The following IL7R variants were observed in gnomAD, a reference collection of about 807,000 sequenced individuals.
IL7R encodes the protein interleukin-7 receptor subunit alpha.
A neutral mutation model predicts 47.0 loss-of-function variants in IL7R; 38 were observed. That is an observed-to-expected ratio of 0.81 (90% confidence interval 0.62 to 1.06). The LOEUF is 1.06. Among genes scored for constraint, IL7R ranks in the 50% least tolerant of loss-of-function variants. The pLI is 0.00. For missense variants in IL7R, 633 were observed against 534.8 expected, an observed-to-expected ratio of 1.18 and a Z score of -1.81; for synonymous variants, 221 against 199.8, an observed-to-expected ratio of 1.11 and a Z score of -0.89.
intron 7 of IL7R, 65 bp from the exon 8 acceptor site, chr5:35,875,918 A>G (rs1760193292): frequency 6.4e-7 from 1 of 1,554,154 alleles, no homozygotes; most frequent in Non-Finnish European, 8.8e-7. Flanking sequence ...CTACTCCTGA[A>G]CTGAACATTT....
At chr5:35,857,810 C>G (rs1187097954) in intron 1 of IL7R, among the ~76,000 whole-genome samples, 1 of 152,114 alleles carries the variant, frequency 6.6e-6, no homozygotes, top group African/African-American at 2.4e-5. Flanking sequence ...AAGCTTCTAA[C>G]AGCAGCAGGA....
chr5:35,875,499 T>C lies in IL7R; in HGVS notation c.801-13T>C, dbSNP rs767908772. 2.5e-6 allele frequency: 4 copies of C among 1,588,424 alleles called. No individual in the cohort carries two copies. The Admixed American group carries it at 5.0e-5, about 20-fold the overall frequency. The stretch of plus-strand genomic sequence containing the variant: ...TGCCATTCACTTCATCTATCAATGT[T>C]CTCTGATTTCAGGATTAAGCCTATC... On this transcript the variant is annotated splice_polypyrimidine_tract_variant and intron_variant, in intron 6 of 7. Coordinates refer to ENST00000303115, the MANE Select transcript of IL7R (RefSeq NM_002185.5).
rs372056746 is a variant in IL7R, at chr5:35,874,451, G to A, written c.709G>A (p.Glu237Lys). ...RTPEINNSSGEMDPILLTISI... is the reference protein window; with the variant it reads ...RTPEINNSSGKMDPILLTISI... Reference sequence around the variant, plus strand: ...CACAATCTATTCTTGCTTTCCAGGGGAGATGGATCCTATCTTACTAACCAT... The same window carrying A: ...CACAATCTATTCTTGCTTTCCAGGGAAGATGGATCCTATCTTACTAACCAT... The change falls in exon 6 of 8, where the codon GAG becomes AAG. Residue 237 changes from glutamate (E) to lysine (K), a missense_variant and splice_region_variant. Physicochemically the swap from Glu to Lys is moderately conservative, Grantham distance 56 (BLOSUM62 1). Coordinates refer to ENST00000303115, the MANE Select transcript of IL7R (RefSeq NM_002185.5). 2.5e-6 allele frequency: 4 copies of A among 1,603,532 alleles called. No homozygotes were observed. The African/African-American group carries it at 5.3e-5, about 21-fold the overall frequency.
chr5:35,874,408 T>A (rs760730798), intron 5 of IL7R, 41 bp from the exon 6 acceptor site: 1 of 1,341,376 alleles, frequency 7.5e-7, no homozygotes, highest in Non-Finnish European at 1.1e-6. Context: ...CCCCACTGCA[T>A]GGCTACTGAA....
At chr5:35,870,635 G>T (rs1042692892) in intron 3 of IL7R, among the ~76,000 whole-genome samples, 1 of 152,182 alleles carries the variant, frequency 6.6e-6, no homozygotes, top group East Asian at 1.9e-4. Context: ...CTCAAACACC[G>T]TAGGTTTATT....
chr5:35,865,990 G>A (rs925608179), intron 2 of IL7R, among the ~76,000 whole-genome samples: 1 of 152,056 alleles, frequency 6.6e-6, no homozygotes, highest in Non-Finnish European at 1.5e-5. Flanking sequence ...GTCGTGTCCT[G>A]GTCTTAGGGA....
intron 1 of IL7R, among the ~76,000 whole-genome samples, chr5:35,859,784 G>C (rs1457060906): frequency 6.6e-6 from 1 of 152,110 alleles, no homozygotes; most frequent in African/African-American, 2.4e-5. Context: ...AGTATATTCT[G>C]TCTCCAGTGT....
Position 35,876,405 on chromosome 5 carries a change from G to C in IL7R, c.1299G>C (p.Gln433His), listed in dbSNP as rs200165388. Residue 433 changes from glutamine (Q) to histidine (H), a missense_variant, in exon 8 of 8, where the codon CAG (glutamine) becomes CAC (histidine). Gln to His is a conservative substitution (Grantham distance 24). Coordinates refer to ENST00000303115, the MANE Select transcript of IL7R (RefSeq NM_002185.5). Reference sequence around the variant, plus strand: ...TCCTGACATTGAACCCAGTTGCTCAGGGTCAGCCCATTCTTACTTCCCTGG... The same window carrying C: ...TCCTGACATTGAACCCAGTTGCTCACGGTCAGCCCATTCTTACTTCCCTGG... ...SGILTLNPVA[Q>H]GQPILTSLGS... The C allele has an allele frequency of 6.2e-7, 1 of 1,613,074 alleles. No homozygotes were observed. Among genetic ancestry groups the C allele is most frequent in the East Asian group, 2.2e-5 (1 of 44,880 alleles).
chr5:35,864,704 T>C (rs1282189933), intron 2 of IL7R, among the ~76,000 whole-genome samples: 6 of 152,170 alleles, frequency 3.9e-5, no homozygotes, highest in African/African-American at 7.2e-5. Flanking sequence ...ATACATTCTG[T>C]ATACATTTCC....
chr5:35,878,760 C>T lies in IL7R; in HGVS notation c.*2274C>T, dbSNP rs1241206406. ...ACAGGAAGACAGGTAAATTACCCAA[C>T]CTCACACGTTAAGTCAGAACTGGGA... On this transcript the variant is annotated 3_prime_UTR_variant, in exon 8 of 8. Coordinates refer to ENST00000303115, the MANE Select transcript of IL7R (RefSeq NM_002185.5). 1 of 232,876 alleles carries T rather than the reference C, an allele frequency of 4.3e-6. No individual in the cohort carries two copies. The highest frequency in any genetic ancestry group is 5.6e-5 in the Admixed American group (1 of 17,758). The allele number at this position is 232,876 out of a possible 1,614,324, so 14.4% of individuals were successfully genotyped here. A position where few individuals can be genotyped will look rare whatever the true frequency, so the allele number is the denominator to read the frequency against.
intron 3 of IL7R, among the ~76,000 whole-genome samples, chr5:35,870,647 C>T (rs963065503): frequency 1.3e-5 from 2 of 152,214 alleles, no homozygotes; most frequent in African/African-American, 4.8e-5. Flanking sequence ...AGGTTTATTT[C>T]TCACTCACAT....
Position 35,876,005 on chromosome 5 carries a change from C to T in IL7R, c.899C>T (p.Pro300Leu), listed in dbSNP as rs2149905144. 1 of 1,613,448 alleles carries T rather than the reference C, an allele frequency of 6.2e-7. No individual in the cohort carries two copies. The highest frequency in any genetic ancestry group is 1.3e-5 in the African/African-American group (1 of 75,034). Residue 300 changes from proline (P) to leucine (L), a missense_variant, in exon 8 of 8, where the codon CCT (proline) becomes CTT (leucine). Physicochemically the swap from Pro to Leu is moderately conservative, Grantham distance 98. Transcript: ENST00000303115. ...PRKNLNVSFN[P>L]ESFLDCQIHR... ...CAGAATTTAAATGTGAGTTTCAATCCTGAAAGTTTCCTGGACTGCCAGATT... is the reference window on the plus strand; with the variant it reads ...CAGAATTTAAATGTGAGTTTCAATCTTGAAAGTTTCCTGGACTGCCAGATT...
At position 35,876,163 on chromosome 5, in the gene IL7R, G is replaced by A. The variant is rs770274946; in HGVS notation, c.1057G>A (p.Asp353Asn). 2 of 1,614,128 alleles carry A rather than the reference G, an allele frequency of 1.2e-6. No homozygotes were observed. The highest frequency in any genetic ancestry group is 3.3e-5 in the Admixed American group (2 of 60,026). Residue 353 changes from aspartate (D) to asparagine (N), a missense_variant, in exon 8 of 8, where the codon GAT becomes AAT. By Grantham distance (23) the Asp-to-Asn change is conservative (BLOSUM62 1). Coordinates refer to ENST00000303115, the MANE Select transcript of IL7R (RefSeq NM_002185.5). The stretch of plus-strand genomic sequence containing the variant: ...GCAGAGCCCCAACTGCCCATCTGAG[G>A]ATGTAGTCATCACTCCAGAAAGCTT... ...DVQSPNCPSE[D>N]VVITPESFGR...
chr5:35,863,990 G>A (rs1191998127), intron 2 of IL7R, among the ~76,000 whole-genome samples: 1 of 152,090 alleles, frequency 6.6e-6, no homozygotes, highest in African/African-American at 2.4e-5. Flanking sequence ...CAATGGTAAA[G>A]ATATAGAACT....
At chr5:35,872,516 A>C (rs1387541120) in intron 4 of IL7R, among the ~76,000 whole-genome samples, 1 of 152,182 alleles carries the variant, frequency 6.6e-6, no homozygotes, top group Non-Finnish European at 1.5e-5. Flanking sequence ...TTTAATTAAA[A>C]AAAATTAAAC....
In IL7R at chr5:35,876,650, G is replaced by A; in HGVS notation, c.*164G>A. 1.3e-6 allele frequency: 1 copy of A among 742,098 alleles called. No individual in the cohort carries two copies. Among genetic ancestry groups the A allele is most frequent in the East Asian group, 2.7e-5 (1 of 37,314 alleles). 46.0% of individuals were successfully genotyped at this position (742,098 alleles called of 1,614,324 possible). A position where few individuals can be genotyped will look rare whatever the true frequency, so the allele number is the denominator to read the frequency against. ...ACATTGCTTTGACCACTCTTCCTGA[G>A]TTCAGTGGCACTCAACATGAGTCAA... On this transcript the variant is annotated 3_prime_UTR_variant, in exon 8 of 8. Transcript: ENST00000303115.
At chr5:35,857,137 C>T in intron 1 of IL7R, 78 bp downstream of exon 1, 3 of 870,502 alleles carry the variant, frequency 3.4e-6, no homozygotes, top group Non-Finnish European at 5.9e-6. Context: ...CCCTAACAGA[C>T]CTGAGTCAGG....
rs979093432 is a variant in IL7R at position 35,861,046 on chromosome 5, T to C, written c.221+56T>C. On this transcript the variant is annotated intron_variant, in intron 2 of 7. Transcript: ENST00000303115. ...GACATCCTCTGTCTCTCTTTTCATA[T>C]GCTCTTTTTAATAGCCACAAAAGAA... 3.2e-6 allele frequency: 5 copies of C among 1,560,466 alleles called. No homozygotes were observed. The Admixed American group carries it at 8.4e-5, about 26-fold the overall frequency.
intron 1 of IL7R, among the ~76,000 whole-genome samples, chr5:35,859,954 C>A (rs1444746500): frequency 1.4e-5 from 1 of 71,980 alleles, no homozygotes; most frequent in Non-Finnish European, 2.7e-5. Context: ...TCCAGCCTCA[C>A]TTTCTATCAT....
Sources: gnomAD v4.1 joint callset for allele counts (sites outside exome capture counted in the v4.1 genomes callset) on GRCh38, gnomAD v4.1.1 for gene constraint, MANE v1.5 for transcripts, NCBI Gene and HGNC (gene_info 2026-07-23, HGNC 2026-07-21) for gene names.